PI4KA: variants seen among roughly 807,000 people sequenced by gnomAD.
PI4KA encodes the protein PI4-kinase alpha.
In PI4KA, 122 loss-of-function variants were observed where a neutral mutation model predicts 271.4. The ratio of observed to expected loss-of-function variants is 0.45; its 90% CI spans 0.39 to 0.52. The LOEUF (loss-of-function observed/expected upper bound fraction) is 0.52. Among genes scored for constraint, PI4KA ranks in the 20% least tolerant of loss-of-function variants. The probability of loss-of-function intolerance (pLI) is 0.00; values close to 1 mark genes in which losing one functional copy is unlikely to be tolerated. For synonymous variants in PI4KA, 1,041 were observed against 1,078.8 expected (o/e 0.96, Z 0.69); for missense variants, 1,969 against 2,769.1 (o/e 0.71, Z 6.48).
chr22:20,775,068 C>T (rs909657734), intron 19 of PI4KA, among the ~76,000 whole-genome samples: 1 of 152,122 alleles, frequency 6.6e-6, no homozygotes, highest in African/African-American at 2.4e-5. Context: ...TCTGCCTGCT[C>T]TGTTGGGCCT....
chr22:20,721,852 A>C, intron 42 of PI4KA: 1 of 171,732 alleles, frequency 5.8e-6, no homozygotes. Context: ...TGACACACTG[A>C]TATGATTAGG....
At position 20,815,690 on chromosome 22, in the gene PI4KA, A is replaced by G. The variant is rs553048711; in HGVS notation, c.857-2184T>C. 4.6e-5 allele frequency among the ~76,000 whole-genome samples: 7 copies of G among 152,272 alleles called. No homozygotes were observed. In the South Asian group the frequency reaches 1.0e-3, roughly 23 times the overall value. On this transcript the variant is annotated intron_variant, in intron 7 of 54. Transcript: ENST00000255882. ...GCTGAGACGCCAAGAGGCCAACATA[A>G]GAAATGGCCACTGAAAGAGGGAACA...
At chr22:20,714,412 A>T (rs1568946007) in intron 47 of PI4KA, 46 bp downstream of exon 47, 5 of 1,549,634 alleles carry the variant, frequency 3.2e-6, no homozygotes, top group Non-Finnish European at 4.4e-6. Flanking sequence ...GGCATTAGCA[A>T]GGAAAAGCAC....
intron 1 of PI4KA, among the ~76,000 whole-genome samples, chr22:20,841,348 G>A (rs950180425): frequency 6.6e-6 from 1 of 152,126 alleles, no homozygotes; most frequent in African/African-American, 2.4e-5. Context: ...AGAACTGAAG[G>A]CAGCATTTTT....
chr22:20,838,554 CTT>C, intron 2 of PI4KA, 59 bp downstream of exon 2: 1 of 936,002 alleles, frequency 1.1e-6, no homozygotes, highest in Non-Finnish European at 1.7e-6. Context: ...CAGATACAAA[CTT>C]AAACGCTCAC....
At chr22:20,850,871 C>G (rs1225040439) in intron 1 of PI4KA, among the ~76,000 whole-genome samples, 1 of 152,014 alleles carries the variant, frequency 6.6e-6, no homozygotes, top group Non-Finnish European at 1.5e-5. Context: ...AAGACCCCAT[C>G]TCTAAAAAAA....
At chr22:20,764,554 G>A in intron 22 of PI4KA, 1 of 412,012 alleles carries the variant, frequency 2.4e-6, no homozygotes, top group Non-Finnish European at 4.4e-6. Flanking sequence ...TCACAACACT[G>A]ACTGCAACTG....
At chr22:20,712,637 C>T (rs749575333) in intron 49 of PI4KA, 26 bp from the exon 50 acceptor site, 9 of 1,568,040 alleles carry the variant, frequency 5.7e-6, no homozygotes, top group Non-Finnish European at 7.8e-6. Context: ...AGTTCTGAGG[C>T]CCGCTGGGTG....
intron 1 of PI4KA, among the ~76,000 whole-genome samples, chr22:20,842,964 G>A (rs752562245): frequency 6.6e-6 from 1 of 151,900 alleles, no homozygotes; most frequent in East Asian, 1.9e-4. Flanking sequence ...CAGGCGTGGC[G>A]GCATGCGTCT....
chr22:20,843,863 G>A (rs779811426), intron 1 of PI4KA, among the ~76,000 whole-genome samples: 10 of 152,102 alleles, frequency 6.6e-5, no homozygotes, highest in Non-Finnish European at 1.3e-4. Context: ...TGAACACTCA[G>A]TGCACACTCC....
chr22:20,725,738 A>G (rs1927270537), intron 42 of PI4KA: 2 of 304,398 alleles, frequency 6.6e-6, no homozygotes, highest in Non-Finnish European at 6.8e-6. Context: ...TCTACAAAAA[A>G]TACAAAAATT....
Position 20,707,854 on chromosome 22 carries a change from G to T in PI4KA, c.*193C>A. ...CTGTGCATAGACAGCACCATCCATTGATTGTCGCTGCAGTCCATGGCGTTA... is the reference window on the plus strand; with the variant it reads ...CTGTGCATAGACAGCACCATCCATTTATTGTCGCTGCAGTCCATGGCGTTA... On this transcript the variant is annotated 3_prime_UTR_variant, in exon 55 of 55. Coordinates refer to ENST00000255882, the MANE Select transcript of PI4KA (RefSeq NM_058004.4). The T allele has an allele frequency of 1.5e-6, 1 of 688,968 alleles. No individual in the cohort carries two copies. The allele number at this position is 688,968 out of a possible 1,614,324, so 42.7% of individuals were successfully genotyped here.
At chr22:20,783,787 G>A (rs896279280) in intron 19 of PI4KA, among the ~76,000 whole-genome samples, 1 of 152,110 alleles carries the variant, frequency 6.6e-6, no homozygotes, top group African/African-American at 2.4e-5. Flanking sequence ...GTAACCTCTC[G>A]TTAACCTCTC....
At chr22:20,779,559 G>A (rs975924189) in intron 19 of PI4KA, 6 of 1,614,178 alleles carry the variant, frequency 3.7e-6, no homozygotes, top group Admixed American at 3.3e-5. Flanking sequence ...TCTGGACCTG[G>A]AGAAGATATT....
intron 32 of PI4KA, among the ~76,000 whole-genome samples, chr22:20,737,565 G>A (rs1201881003): frequency 1.3e-5 from 2 of 152,132 alleles, no homozygotes; most frequent in African/African-American, 2.4e-5. Flanking sequence ...CAATGTGAGG[G>A]CTGACACGTG....
chr22:20,793,018 G>C (rs1934749362), intron 19 of PI4KA, among the ~76,000 whole-genome samples, 175 bp downstream of exon 19: 1 of 152,146 alleles, frequency 6.6e-6, no homozygotes. Flanking sequence ...TGCCATGGTG[G>C]ACACACCTAT....
chr22:20,825,828 T>G (rs889701902), intron 3 of PI4KA, among the ~76,000 whole-genome samples: 3 of 152,134 alleles, frequency 2.0e-5, no homozygotes, highest in African/African-American at 7.2e-5. Flanking sequence ...TATTTCATCA[T>G]CCCCGTAATA....
In PI4KA at chr22:20,807,448, C is replaced by G; in HGVS notation, c.1082G>C (p.Ser361Thr). Reference protein sequence around the residue: ...IVASVMEANPSADLYYTSFSD... With the variant: ...IVASVMEANPTADLYYTSFSD... Reference sequence around the variant, plus strand: ...GAAGGAAGTGTAGTAGAGATCAGCACTGGGGTTGGCCTGCAGGGAAGGCAG... The same window carrying G: ...GAAGGAAGTGTAGTAGAGATCAGCAGTGGGGTTGGCCTGCAGGGAAGGCAG... The change falls in exon 10 of 55, where the codon AGT becomes ACT. Residue 361 changes from serine (S) to threonine (T), a missense_variant. Around this residue, in one of 13 missense-constraint regions of PI4KA, gnomAD observed 540 missense variants for 555.5 expected, o/e 0.97. Coordinates refer to ENST00000255882, the MANE Select transcript of PI4KA (RefSeq NM_058004.4). The G allele has an allele frequency of 6.2e-7, 1 of 1,610,228 alleles. No individual in the cohort carries two copies. Among genetic ancestry groups the G allele is most frequent in the South Asian group, 1.1e-5 (1 of 90,998 alleles).
chr22:20,718,255 C>T (rs1464635867), intron 44 of PI4KA, among the ~76,000 whole-genome samples: 1 of 152,202 alleles, frequency 6.6e-6, no homozygotes, highest in Non-Finnish European at 1.5e-5. Flanking sequence ...TGCACAAAGC[C>T]ATCAACATCC....
Sources: allele counts gnomAD v4.1 joint callset (sites outside exome capture counted in the v4.1 genomes callset), GRCh38; gene constraint gnomAD v4.1.1; regional missense constraint gnomAD v4.1.1; transcripts MANE v1.5; gene names NCBI Gene and HGNC (gene_info 2026-07-23, HGNC 2026-07-21).